KRABD5: variants seen among roughly 807,000 people sequenced by gnomAD.
KRABD5 encodes the protein KRAB domain containing 5.
the KRABD5 span, among the ~76,000 whole-genome samples, chr16:31,725,238 C>T: frequency 6.6e-6 from 1 of 152,176 alleles, no homozygotes; most frequent in Non-Finnish European, 1.5e-5. Context: ...ACCTCAGCCT[C>T]CCAAGTAGCT....
chr16:31,743,563 C>T, the KRABD5 span, among the ~76,000 whole-genome samples: 1 of 152,240 alleles, frequency 6.6e-6, no homozygotes, highest in Non-Finnish European at 1.5e-5. Context: ...CGTGATGCCT[C>T]CAGCTTTGTT....
chr16:31,747,245 G>T, the KRABD5 span, among the ~76,000 whole-genome samples: 1 of 149,582 alleles, frequency 6.7e-6, no homozygotes, highest in Non-Finnish European at 1.5e-5. Context: ...GTGGTGTTTG[G>T]TTTTTTGTCC....
At chr16:31,751,482 G>A in the KRABD5 span, among the ~76,000 whole-genome samples, 1 of 152,058 alleles carries the variant, frequency 6.6e-6, no homozygotes, top group African/African-American at 2.4e-5. Flanking sequence ...TTTGTTCAGG[G>A]TTTCAGTTTC....
chr16:31,720,619 A>G, the KRABD5 span, among the ~76,000 whole-genome samples: 1 of 152,152 alleles, frequency 6.6e-6, no homozygotes, highest in Non-Finnish European at 1.5e-5. Flanking sequence ...TTCCCCCACT[A>G]ATATACAACG....
the KRABD5 span, among the ~76,000 whole-genome samples, chr16:31,738,822 CT>C: frequency 6.6e-6 from 1 of 152,058 alleles, no homozygotes; most frequent in Non-Finnish European, 1.5e-5. Flanking sequence ...TCCTTTCCCA[CT>C]TCTCTCTGTG....
chr16:31,748,849 T>C, the KRABD5 span, among the ~76,000 whole-genome samples: 2 of 152,198 alleles, frequency 1.3e-5, no homozygotes, highest in Non-Finnish European at 2.9e-5. Context: ...CAGGTCCCAC[T>C]CTGAACTCCG....
chr16:31,723,490 G>T, the KRABD5 span: 1 of 819,564 alleles, frequency 1.2e-6, no homozygotes, highest in African/African-American at 1.8e-5. Flanking sequence ...TCTTTCTCTT[G>T]CTGCTGTCAC....
the KRABD5 span, among the ~76,000 whole-genome samples, chr16:31,748,453 T>C: frequency 4.6e-5 from 7 of 152,068 alleles, no homozygotes; most frequent in Non-Finnish European, 7.4e-5. Context: ...TTTTGGCTTA[T>C]GTTCCTCTCT....
chr16:31,713,875 C>T, the KRABD5 span, among the ~76,000 whole-genome samples: 5 of 152,192 alleles, frequency 3.3e-5, no homozygotes, highest in African/African-American at 1.2e-4. Flanking sequence ...AAATGGGAAG[C>T]CTGCCGCCGT....
At chr16:31,731,084 G>T in the KRABD5 span, among the ~76,000 whole-genome samples, 1 of 152,140 alleles carries the variant, frequency 6.6e-6, no homozygotes, top group African/African-American at 2.4e-5. Context: ...TCCTTTGGTG[G>T]TGGTAGTTTG....
chr16:31,748,761 T>C, the KRABD5 span, among the ~76,000 whole-genome samples: 1 of 152,154 alleles, frequency 6.6e-6, no homozygotes, highest in Non-Finnish European at 1.5e-5. Context: ...TGCTGACCCT[T>C]GGATGGGGTT....
chr16:31,718,624 A>G, the KRABD5 span, among the ~76,000 whole-genome samples: 1 of 152,174 alleles, frequency 6.6e-6, no homozygotes, highest in Admixed American at 6.5e-5. Context: ...GAGCTGTGTT[A>G]CTGGAGTAGG....
chr16:31,719,206 A>G, the KRABD5 span, among the ~76,000 whole-genome samples: 1 of 152,194 alleles, frequency 6.6e-6, no homozygotes, highest in Non-Finnish European at 1.5e-5. Context: ...TATACAGGGA[A>G]CTTGGGCTTG....
chr16:31,723,366 G>GAATGAAGTAGATGAC, the KRABD5 span: 1 of 1,607,652 alleles, frequency 6.2e-7, no homozygotes, highest in Non-Finnish European at 8.5e-7. Context: ...AGGTGGGAGT[G>GAATGAAGTAGATGAC]AATGAAGTAG....
chr16:31,750,588 GTTC>G, the KRABD5 span, among the ~76,000 whole-genome samples: 2 of 151,976 alleles, frequency 1.3e-5, no homozygotes, highest in South Asian at 2.1e-4. Context: ...GAGAGAGGGT[GTTC>G]TTCTCTCATT....
chr16:31,725,894 C>A, the KRABD5 span, among the ~76,000 whole-genome samples: 2 of 152,212 alleles, frequency 1.3e-5, no homozygotes, highest in African/African-American at 4.8e-5. Context: ...TATATTTTCT[C>A]CCAGTCCTTA....
chr16:31,738,439 A>G, the KRABD5 span, among the ~76,000 whole-genome samples: 1 of 152,142 alleles, frequency 6.6e-6, no homozygotes, highest in Admixed American at 6.5e-5. Context: ...GAACCCGTTT[A>G]TAATTATATA....
At chr16:31,748,864 G>C in the KRABD5 span, among the ~76,000 whole-genome samples, 1 of 152,186 alleles carries the variant, frequency 6.6e-6, no homozygotes, top group Non-Finnish European at 1.5e-5. Flanking sequence ...ACTCCGGGGG[G>C]CACCAACCTG....
chr16:31,716,866 T>G, the KRABD5 span, among the ~76,000 whole-genome samples: 2 of 152,228 alleles, frequency 1.3e-5, no homozygotes, highest in Non-Finnish European at 1.5e-5. Context: ...AAGACATATT[T>G]CTCTCCTTCT....
Sources: gnomAD v4.1 joint callset for allele counts (sites outside exome capture counted in the v4.1 genomes callset) on GRCh38, gnomAD v4.1.1 for gene constraint, MANE v1.5 for transcripts, NCBI Gene and HGNC (gene_info 2026-07-23, HGNC 2026-07-21) for gene names.